Variants in HGS observed in about 807,000 individuals in gnomAD.
The protein encoded by HGS is hepatocyte growth factor-regulated tyrosine kinase substrate.
A neutral mutation model predicts 109.7 loss-of-function variants in HGS; 63 were observed. The observed-to-expected ratio is 0.57, with a 90% CI of 0.47 to 0.71. HGS has a LOEUF of 0.71. HGS is among the 30% of genes least tolerant of loss of function. The pLI is 0.00. For missense variants in HGS, 995 were observed against 1,068.3 expected, an observed-to-expected ratio of 0.93 and a Z score of 0.96; for synonymous variants, 546 against 437.3, an observed-to-expected ratio of 1.25 and a Z score of -3.10.
chr17:81,688,775 C>T lies in HGS; in HGVS notation c.363C>T (p.Asn121=), dbSNP rs142636777. 3.9e-4 allele frequency: 634 copies of T among 1,614,118 alleles called. 1 individual carries two copies. The highest frequency in any genetic ancestry group is 1.5e-3 in the Middle Eastern group (9 of 6,062). The change falls in exon 5 of 22, where the codon AAC becomes AAT. Residue 121 remains asparagine (N), a synonymous_variant. Transcript: ENST00000329138. ...LIQAWAHAFR[N]EPKYKVVQDT... is the part of the protein sequence containing the mutation. ...AGGCCTGGGCGCATGCCTTCCGGAA[C>T]GAGCCCAAGTACAAGGTGGTCCAGG...
In HGS at chr17:81,695,170, C is replaced by T. The variant is rs752057756; in HGVS notation, c.1126C>T (p.Leu376Phe). The change falls in exon 14 of 22, where the codon CTC (leucine) becomes TTC (phenylalanine). Residue 376 changes from leucine (L) to phenylalanine (F), a missense_variant. By Grantham distance (22) the Leu-to-Phe change is conservative. Transcript: ENST00000329138. The stretch of plus-strand genomic sequence containing the variant: ...CTCATTCTCTCTCTTCCAGAACCCC[C>T]TCCCGGAGACAGACTCTCAGCCCAT... ...AAPTNVVENP[L>F]PETDSQPIPP... 1 of 1,614,224 alleles carries T rather than the reference C, an allele frequency of 6.2e-7. No homozygotes were observed. Among genetic ancestry groups the T allele is most frequent in the Non-Finnish European group, 8.5e-7 (1 of 1,180,008 alleles).
chr17:81,691,135 G>A lies in HGS; in HGVS notation c.538-312G>A. ...CAACCGGCAGTGCTTGGGGTTTGGGGTGTCAGCAGCTTCCAGCACCCACTG... is the reference window on the plus strand; with the variant it reads ...CAACCGGCAGTGCTTGGGGTTTGGGATGTCAGCAGCTTCCAGCACCCACTG... On this transcript the variant is annotated intron_variant, in intron 7 of 21. Coordinates refer to ENST00000329138, the MANE Select transcript of HGS (RefSeq NM_004712.5). The surrounding 1 kb of genome is among the most constrained non-coding windows in gnomAD (Gnocchi z 5.3). 9.0e-6 allele frequency: 4 copies of A among 442,910 alleles called. No individual in the cohort carries two copies. In the Admixed American group the frequency reaches 1.1e-4, roughly 12 times the overall value. 27.4% of individuals were successfully genotyped at this position (442,910 alleles called of 1,614,324 possible). A position where few individuals can be genotyped will look rare whatever the true frequency, so the allele number is the denominator to read the frequency against.
In HGS at chr17:81,690,229, G is replaced by A. The variant is rs1327204628; in HGVS notation, c.463G>A (p.Glu155Lys). The A allele has an allele frequency of 1.2e-6, 2 of 1,613,890 alleles. No individual in the cohort carries two copies. Among genetic ancestry groups the A allele is most frequent in the South Asian group, 1.1e-5 (1 of 91,028 alleles). The change falls in exon 6 of 22, where the codon GAG (glutamate) becomes AAG (lysine). Residue 155 changes from glutamate (E) to lysine (K), a missense_variant. This residue lies in a region of HGS where 182 missense variants were observed against 261.3 expected (regional missense o/e 0.70). Coordinates refer to ENST00000329138, the MANE Select transcript of HGS (RefSeq NM_004712.5). ...FKESDAMFAA[E>K]RAPDWVDAEE... ...AGAGAGCGATGCCATGTTTGCTGCCGAGAGAGTGAGTGTGGGCGGCCGCCA... is the reference window on the plus strand; with the variant it reads ...AGAGAGCGATGCCATGTTTGCTGCCAAGAGAGTGAGTGTGGGCGGCCGCCA...
chr17:81,696,388 A>G lies in HGS; in HGVS notation c.1425A>G (p.Ala475=), dbSNP rs2037148475. Residue 475 remains alanine (A), a synonymous_variant, in exon 16 of 22, where the codon GCA becomes GCG. Transcript: ENST00000329138. ...ATGAGGGGCTGCAGGACAAGCTGGC[A>G]CAGATCCGCGATGCCCGGGGGGCGC... The part of the protein sequence containing the change: ...LYYEGLQDKL[A]QIRDARGALS... 6.3e-7 allele frequency: 1 copy of G among 1,589,424 alleles called. No homozygotes were observed. The highest frequency in any genetic ancestry group is 8.5e-7 in the Non-Finnish European group (1 of 1,170,324).
intron 4 of HGS, 60 bp downstream of exon 4, chr17:81,687,155 GTT>G: frequency 2.6e-6 from 3 of 1,147,930 alleles, no homozygotes. Flanking sequence ...TTCTCCGGGT[GTT>G]TACTGGGCAC....
rs371121299 is a variant in HGS at position 81,696,997 on chromosome 17, T to C, written c.1881T>C (p.Ala627=). The C allele has an allele frequency of 3.8e-6, 6 of 1,579,032 alleles. No homozygotes were observed. Among genetic ancestry groups the C allele is most frequent in the Non-Finnish European group, 5.1e-6 (6 of 1,165,366 alleles). The change falls in exon 18 of 22, where the codon GCT becomes GCC. Residue 627 remains alanine, a splice_region_variant and synonymous_variant. Transcript: ENST00000329138. The part of the protein sequence containing the change: ...GPYPSMPSTA[A]DPSMVSAYMY... ...ACCCCAGCATGCCCAGCACTGCGGC[T>C]GGTAAGGACGGGTCGGGGCAGAGAC...
Position 81,693,766 on chromosome 17 carries a change from G to A in HGS, c.840+14G>A. ...AAGGAGAGGCTGGTAAGCCGGGTGGGGCGGGGCGGCCTCAGGAGGGGCCCA... is the reference window on the plus strand; with the variant it reads ...AAGGAGAGGCTGGTAAGCCGGGTGGAGCGGGGCGGCCTCAGGAGGGGCCCA... On this transcript the variant is annotated intron_variant, in intron 10 of 21. Coordinates refer to ENST00000329138, the MANE Select transcript of HGS (RefSeq NM_004712.5). 2 of 1,538,050 alleles carry A rather than the reference G, an allele frequency of 1.3e-6. No homozygotes were observed. The highest frequency in any genetic ancestry group is 2.4e-5 in the East Asian group (1 of 41,954).
At chr17:81,688,895 A>G in intron 5 of HGS, 68 bp downstream of exon 5, 1 of 1,598,980 alleles carries the variant, frequency 6.3e-7, no homozygotes, top group South Asian at 1.1e-5. Flanking sequence ...CTCAACGGGC[A>G]CAGTGGCGAG....
At chr17:81,684,278 G>A (rs1044464492) in intron 1 of HGS, 175 bp downstream of exon 1, 3 of 500,404 alleles carry the variant, frequency 6.0e-6, no homozygotes, top group Non-Finnish European at 9.3e-6. Context: ...CGGCGCGGCC[G>A]TGGGGTCGGC....
intron 15 of HGS, 151 bp from the exon 16 acceptor site, chr17:81,696,206 G>GGT: frequency 3.1e-6 from 3 of 979,482 alleles, no homozygotes; most frequent in African/African-American, 3.4e-5. Context: ...CCCTGCCCAG[G>GGT]ACCCTCTGCC....
rs1452662479 is a variant in HGS, at chr17:81,684,102, A to T, written c.36A>T (p.Leu12=). 1 of 1,586,580 alleles carries T rather than the reference A, an allele frequency of 6.3e-7. No homozygotes were observed. Among genetic ancestry groups the T allele is most frequent in the Non-Finnish European group, 8.6e-7 (1 of 1,168,728 alleles). ...GCAGCGGCACCTTCGAGCGTCTCCT[A>T]GGTAACGCGTCCCCACCCGACGGCT... ...GRGSGTFERL[L]DKATSQLLLE... Residue 12 remains leucine, a splice_region_variant and synonymous_variant, in exon 1 of 22, where the codon CTA becomes CTT. Transcript: ENST00000329138.
intron 18 of HGS, among the ~76,000 whole-genome samples, chr17:81,699,801 G>A (rs1475604503): frequency 6.6e-6 from 1 of 151,846 alleles, no homozygotes; most frequent in African/African-American, 2.4e-5. Flanking sequence ...TCCTGGCCGG[G>A]CGGTGGCTCA....
At position 81,690,099 on chromosome 17, in the gene HGS, A is replaced by AGCTGCCGAGAGTGAGGAAGGG. The variant is rs1568213940; in HGVS notation, c.416-79_416-59dup. The AGCTGCCGAGAGTGAGGAAGGG allele has an allele frequency of 2.1e-6, 3 of 1,460,102 alleles. No homozygotes were observed. The African/African-American group carries it at 4.2e-5, about 20-fold the overall frequency. The allele number at this position is 1,460,102 out of a possible 1,614,324, so 90.4% of individuals were successfully genotyped here. A position where few individuals can be genotyped will look rare whatever the true frequency, so the allele number is the denominator to read the frequency against. ...GGGTGCACGGTCACTGCTGCGTTGC[A>AGCTGCCGAGAGTGAGGAAGGG]GCTGCCGAGAGTGAGGAAGGGGCTC... On this transcript the variant is annotated intron_variant, in intron 5 of 21. Coordinates refer to ENST00000329138, the MANE Select transcript of HGS (RefSeq NM_004712.5).
intron 8 of HGS, chr17:81,692,126 G>C (rs2037073682): frequency 6.4e-6 from 1 of 157,068 alleles, no homozygotes; most frequent in African/African-American, 2.4e-5. Context: ...CATGGCCACA[G>C]CAGTCACTCG....
rs760029152 is a variant in HGS at position 81,700,685 on chromosome 17, C to G, written c.2017-10C>G. Reference sequence around the variant, plus strand: ...AGCCCCTTCTCCCATGGCACTCATTCCCTCCGCAGAACGTGGCCTCCCAGG... The same window carrying G: ...AGCCCCTTCTCCCATGGCACTCATTGCCTCCGCAGAACGTGGCCTCCCAGG... On this transcript the variant is annotated splice_polypyrimidine_tract_variant and intron_variant, in intron 19 of 21. Transcript: ENST00000329138. The G allele has an allele frequency of 3.3e-6, 5 of 1,533,596 alleles. No individual in the cohort carries two copies. Among genetic ancestry groups the G allele is most frequent in the Non-Finnish European group, 4.4e-6 (5 of 1,124,914 alleles). 95.0% of individuals were successfully genotyped at this position (1,533,596 alleles called of 1,614,324 possible).
At position 81,701,735 on chromosome 17, in the gene HGS, C is replaced by T. The variant is rs2037241496; in HGVS notation, c.*117C>T. 4 of 1,408,804 alleles carry T rather than the reference C, an allele frequency of 2.8e-6. No homozygotes were observed. Among genetic ancestry groups the T allele is most frequent in the South Asian group, 1.5e-5 (1 of 68,522 alleles). 87.3% of individuals were successfully genotyped at this position (1,408,804 alleles called of 1,614,324 possible). ...TACTGCCGGTAGTGTCCCTTCTCTG[C>T]GAGTGAGGGGGGGCCTTCACCCCAA... On this transcript the variant is annotated 3_prime_UTR_variant, in exon 22 of 22. Transcript: ENST00000329138.
chr17:81,687,730 C>T (rs959936539), intron 4 of HGS, among the ~76,000 whole-genome samples: 2 of 152,162 alleles, frequency 1.3e-5, no homozygotes, highest in Non-Finnish European at 2.9e-5. Context: ...TTGCAGGTGT[C>T]AAGGAGAAAG....
intron 14 of HGS, 103 bp downstream of exon 14, chr17:81,695,326 A>G: frequency 1.6e-6 from 2 of 1,275,648 alleles, no homozygotes; most frequent in South Asian, 1.2e-5. Context: ...GGGCCGTGCT[A>G]GAGCAAGGGT....
At chr17:81,685,494 C>T in intron 1 of HGS, 111 bp from the exon 2 acceptor site, 1 of 655,320 alleles carries the variant, frequency 1.5e-6, no homozygotes, top group Non-Finnish European at 2.6e-6. Context: ...TCATTTGGTC[C>T]AAATGTCTAA....
Sources: gnomAD v4.1 joint callset for allele counts (sites outside exome capture counted in the v4.1 genomes callset) on GRCh38, gnomAD v4.1.1 for gene constraint, gnomAD v4.1.1 regional missense constraint, Gnocchi (gnomAD v3.1) non-coding constraint, MANE v1.5 for transcripts, NCBI Gene and HGNC (gene_info 2026-07-23, HGNC 2026-07-21) for gene names.